SYNE2: variants seen among roughly 807,000 people sequenced by gnomAD.
SYNE2 encodes nesprin-2.
SYNE2 carries 431 observed loss-of-function variants against 856.3 expected under a neutral mutation model. The observed-to-expected ratio is 0.50, with a 90% confidence interval of 0.47 to 0.55. The LOEUF is 0.55. Ranked by LOEUF, SYNE2 falls within the 20% of genes least tolerant of loss-of-function variation. SYNE2 has a pLI of 0.00. For missense variants in SYNE2, 8,129 were observed against 8,023.2 expected (o/e 1.01, Z -0.50); for synonymous variants, 2,923 against 2,872.3 (o/e 1.02, Z -0.56).
At chr14:63,855,502 G>A (rs921349474) in intron 1 of SYNE2, among the ~76,000 whole-genome samples, 1 of 152,022 alleles carries the variant, frequency 6.6e-6, no homozygotes, top group African/African-American at 2.4e-5. Flanking sequence ...GCTGCATGAG[G>A]GCCTTTGGAC....
At position 64,053,586 on chromosome 14, in the gene SYNE2, G is replaced by A; in HGVS notation, c.9673G>A (p.Asp3225Asn). Reference protein sequence around the residue: ...QREENSSEASDVETKLREFED... With the variant: ...QREENSSEASNVETKLREFED... The stretch of plus-strand genomic sequence containing the variant: ...AGAAGAAAACTCTTCTGAAGCGAGT[G>A]ATGTGGAGACAAAACTACGTGAGTT... Residue 3225 changes from aspartate to asparagine, a missense_variant, in exon 48 of 116, where the codon GAT becomes AAT. Around this residue, in one of 3 missense-constraint regions of SYNE2, gnomAD observed 5,410 missense variants for 5,284.8 expected, o/e 1.02. Transcript: ENST00000555002. 1.9e-6 allele frequency: 3 copies of A among 1,614,074 alleles called. No homozygotes were observed. Among genetic ancestry groups the A allele is most frequent in the Non-Finnish European group, 2.5e-6 (3 of 1,179,996 alleles).
Position 63,954,823 on chromosome 14 carries a change from G to C in SYNE2, c.695G>C (p.Ser232Thr). The change falls in exon 8 of 116, where the codon AGT becomes ACT. Residue 232 changes from serine (S) to threonine (T), a missense_variant. Ser to Thr is a moderately conservative substitution (Grantham distance 58, BLOSUM62 1). This residue lies in a region of SYNE2 where 2,422 missense variants were observed against 2,357.4 expected (regional missense o/e 1.03). Coordinates refer to ENST00000555002, the MANE Select transcript of SYNE2 (RefSeq NM_182914.3). The stretch of plus-strand genomic sequence containing the variant: ...CGACCAGACCTAATTGACATGAAGA[G>C]TGTGAAGCATAGATCCAACAAAGAC... ...ALRPDLIDMK[S>T]VKHRSNKDNL... 5.0e-6 allele frequency: 8 copies of C among 1,614,048 alleles called. No individual in the cohort carries two copies. Among genetic ancestry groups the C allele is most frequent in the South Asian group, 1.1e-5 (1 of 91,082 alleles).
At chr14:64,022,595 G>A (rs980161936) in intron 37 of SYNE2, among the ~76,000 whole-genome samples, 156 bp from the exon 38 acceptor site, 3 of 151,690 alleles carry the variant, frequency 2.0e-5, no homozygotes, top group African/African-American at 7.3e-5. Flanking sequence ...ACCTTGTCTA[G>A]GCTTTATTAG....
chr14:64,074,234 G>A, intron 53 of SYNE2, 98 bp downstream of exon 53: 1 of 1,259,700 alleles, frequency 7.9e-7, no homozygotes, highest in Non-Finnish European at 1.2e-6. Context: ...TGGGTTTGGG[G>A]GAGCGGTCTG....
rs768906578 is a variant in SYNE2 at position 64,225,584 on chromosome 14, C to T, written c.*58C>T. The stretch of plus-strand genomic sequence containing the variant: ...GCCTGATTGCCAAGGGTGCCCAGCA[C>T]GTGGCCCCAGACCAATCTGAGTGAC... On this transcript the variant is annotated 3_prime_UTR_variant, in exon 116 of 116. Transcript: ENST00000555002. 32 of 1,570,080 alleles carry T rather than the reference C, an allele frequency of 2.0e-5. No homozygotes were observed. The highest frequency in any genetic ancestry group is 2.4e-5 in the Non-Finnish European group (28 of 1,146,996).
At chr14:63,942,303 C>T (rs2095929880) in intron 6 of SYNE2, among the ~76,000 whole-genome samples, 160 bp downstream of exon 6, 1 of 152,036 alleles carries the variant, frequency 6.6e-6, no homozygotes, top group African/African-American at 2.4e-5. Flanking sequence ...AGACTTTTTG[C>T]CATTTCTGTT....
chr14:64,154,168 TA>T (rs5809216), intron 85 of SYNE2, among the ~76,000 whole-genome samples: 35,974 of 137,828 alleles, frequency 0.26, 4,571 homozygotes, highest in African/African-American at 0.33. Flanking sequence ...CCATTTGTAT[TA>T]AAAAAAAAAA....
chr14:63,777,103 G>T (rs1217050384), intron 1 of SYNE2, among the ~76,000 whole-genome samples: 1 of 152,178 alleles, frequency 6.6e-6, no homozygotes, highest in African/African-American at 2.4e-5. Context: ...TTAAACTACT[G>T]TCTGGGAGGA....
In SYNE2 at chr14:64,076,090, T is replaced by C. The variant is rs2097456205; in HGVS notation, c.11012T>C (p.Ile3671Thr). 6.2e-7 allele frequency: 1 copy of C among 1,613,592 alleles called. No homozygotes were observed. The highest frequency in any genetic ancestry group is 8.5e-7 in the Non-Finnish European group (1 of 1,179,718). Residue 3671 changes from isoleucine to threonine, a missense_variant, in exon 54 of 116, where the codon ATA (isoleucine) becomes ACA (threonine). Physicochemically the swap from Ile to Thr is moderately conservative, Grantham distance 89. Around this residue, in one of 3 missense-constraint regions of SYNE2, gnomAD observed 5,410 missense variants for 5,284.8 expected, o/e 1.02. Transcript: ENST00000555002. Reference sequence around the variant, plus strand: ...GAATGCAGAAAAGCTTTAGAAGACATAGATGAGAAGGTAATAATAATGTCT... The same window carrying C: ...GAATGCAGAAAAGCTTTAGAAGACACAGATGAGAAGGTAATAATAATGTCT... ...VEECRKALEDIDEKISNEVLK... is the reference protein window; with the variant it reads ...VEECRKALEDTDEKISNEVLK...
At chr14:64,206,193 C>G (rs973665375) in intron 100 of SYNE2, among the ~76,000 whole-genome samples, 2 of 152,248 alleles carry the variant, frequency 1.3e-5, no homozygotes, top group Admixed American at 6.5e-5. Context: ...TCCTCCCCAA[C>G]CTCAGGGTTA....
rs2096765831 is a variant in SYNE2, at chr14:64,002,812, T to A, written c.3879T>A (p.Asp1293Glu). Residue 1293 changes from aspartate to glutamate, a missense_variant, in exon 30 of 116, where the codon GAT becomes GAA. Physicochemically the swap from Asp to Glu is conservative, Grantham distance 45. Coordinates refer to ENST00000555002, the MANE Select transcript of SYNE2 (RefSeq NM_182914.3). ...NFVLKELHPF[D>E]LHAMQNIILK... ...TATTAAAGGAGTTACACCCATTTGA[T>A]CTACACGCAATGCAGAATATTATAC... 1 of 1,614,164 alleles carries A rather than the reference T, an allele frequency of 6.2e-7. No homozygotes were observed. The highest frequency in any genetic ancestry group is 1.3e-5 in the African/African-American group (1 of 75,042).
Position 64,001,938 on chromosome 14 carries a change from G to A in SYNE2, c.3643G>A (p.Glu1215Lys), listed in dbSNP as rs373294902. The A allele has an allele frequency of 1.9e-5, 30 of 1,613,964 alleles. No homozygotes were observed. Among genetic ancestry groups the A allele is most frequent in the Non-Finnish European group, 2.4e-5 (28 of 1,179,990 alleles). ...ELQMTLNTRM[E>K]SLETALRLVL... ...TCTGATTTACCTTGCACCCAGAATG[G>A]AATCTTTAGAGACAGCACTGCGGCT... The change falls in exon 29 of 116, where the codon GAA becomes AAA. Residue 1215 changes from glutamate to lysine, a missense_variant. This residue lies in a region of SYNE2 where 2,422 missense variants were observed against 2,357.4 expected (regional missense o/e 1.03). Coordinates refer to ENST00000555002, the MANE Select transcript of SYNE2 (RefSeq NM_182914.3).
Position 64,225,669 on chromosome 14 carries a change from C to G in SYNE2, c.*143C>G, listed in dbSNP as rs1176274335. 2.2e-6 allele frequency: 2 copies of G among 906,320 alleles called. No homozygotes were observed. The highest frequency in any genetic ancestry group is 4.1e-5 in the Admixed American group (2 of 49,270). 56.1% of individuals were successfully genotyped at this position (906,320 alleles called of 1,614,324 possible). On this transcript the variant is annotated 3_prime_UTR_variant, in exon 116 of 116. Transcript: ENST00000555002. ...TTCTTCTGGGCTTACCCAGCACGGG[C>G]TCCCTGGAGCCCAGGGCAGCTTTCA...
chr14:63,971,938 CAA>C (rs559737983), intron 11 of SYNE2, among the ~76,000 whole-genome samples: 95 of 152,290 alleles, frequency 6.2e-4, no homozygotes, highest in African/African-American at 1.9e-3. Context: ...GTCCACAAGT[CAA>C]AGATACTTAA....
chr14:64,030,092 T>TAA, intron 44 of SYNE2, 33 bp downstream of exon 44: 5 of 1,374,806 alleles, frequency 3.6e-6, no homozygotes, highest in Non-Finnish European at 5.0e-6. Flanking sequence ...GATAGACATT[T>TAA]AAAAAAAAAA....
chr14:64,135,902 G>A (rs573585988), intron 78 of SYNE2, among the ~76,000 whole-genome samples: 1 of 152,276 alleles, frequency 6.6e-6, no homozygotes, highest in Non-Finnish European at 1.5e-5. Context: ...ATGGAACCTA[G>A]GAGTCAGTTG....
chr14:63,995,296 T>A, intron 23 of SYNE2, 94 bp downstream of exon 23: 1 of 1,112,222 alleles, frequency 9.0e-7, no homozygotes, highest in Non-Finnish European at 1.3e-6. Flanking sequence ...AAAACTGTTC[T>A]GAAAATTACC....
At chr14:64,188,431 C>T in intron 97 of SYNE2, 119 bp from the exon 98 acceptor site, 1 of 1,137,434 alleles carries the variant, frequency 8.8e-7, no homozygotes, top group Non-Finnish European at 1.3e-6. Flanking sequence ...CAAAACCAGA[C>T]AAGGTTGAGT....
Position 64,026,632 on chromosome 14 carries a change from G to C in SYNE2, c.6306G>C (p.Lys2102Asn). The C allele has an allele frequency of 6.2e-7, 1 of 1,613,804 alleles. No homozygotes were observed. Among genetic ancestry groups the C allele is most frequent in the Non-Finnish European group, 8.5e-7 (1 of 1,179,844 alleles). Reference sequence around the variant, plus strand: ...ATGCCAGAATAGAGACCATCATGAAGCAGGCTGAGAGCAGCGAGGCCCCGC... The same window carrying C: ...ATGCCAGAATAGAGACCATCATGAACCAGGCTGAGAGCAGCGAGGCCCCGC... ...EGDARIETIM[K>N]QAESSEAPLV... Residue 2102 changes from lysine (K) to asparagine (N), a missense_variant, in exon 42 of 116, where the codon AAG (lysine) becomes AAC (asparagine). Physicochemically the swap from Lys to Asn is moderately conservative, Grantham distance 94 (BLOSUM62 0). Transcript: ENST00000555002.
Sources: allele counts gnomAD v4.1 joint callset (sites outside exome capture counted in the v4.1 genomes callset), GRCh38; gene constraint gnomAD v4.1.1; regional missense constraint gnomAD v4.1.1; transcripts MANE v1.5; gene names NCBI Gene and HGNC (gene_info 2026-07-23, HGNC 2026-07-21).